The following ANO3 variants were observed in gnomAD, a reference collection of about 807,000 sequenced individuals.
ANO3 encodes the protein anoctamin-3.
In ANO3, 99 loss-of-function variants were observed where a neutral mutation model predicts 144.8. The observed-to-expected ratio is 0.68, with a 90% CI of 0.58 to 0.81. The LOEUF (loss-of-function observed/expected upper bound fraction) is 0.81. ANO3 is among the 30% of genes least tolerant of loss of function. The probability of loss-of-function intolerance (pLI) is 0.00; values close to 1 mark genes in which losing one functional copy is unlikely to be tolerated. For missense variants in ANO3, 905 were observed against 1,202.2 expected, an observed-to-expected ratio of 0.75 and a Z score of 3.66; for synonymous variants, 414 against 392.6, an observed-to-expected ratio of 1.05 and a Z score of -0.64.
At chr11:26,607,380 G>A (rs944407647) in intron 17 of ANO3, among the ~76,000 whole-genome samples, 3 of 152,072 alleles carry the variant, frequency 2.0e-5, no homozygotes, top group Admixed American at 6.5e-5. Context: ...CTAAGTTGGG[G>A]AAGTTCTGCT....
intron 18 of ANO3, among the ~76,000 whole-genome samples, chr11:26,626,937 A>G (rs1852605910): frequency 6.6e-6 from 1 of 152,116 alleles, no homozygotes; most frequent in Non-Finnish European, 1.5e-5. Context: ...TCCTTTTTCT[A>G]TGTCATCCAG....
intron 1 of ANO3, among the ~76,000 whole-genome samples, chr11:26,247,079 AAC>A (rs1157914847): frequency 6.6e-6 from 1 of 152,222 alleles, no homozygotes; most frequent in East Asian, 1.9e-4. Flanking sequence ...GTTTATTTAA[AAC>A]AGTTTTAATG....
chr11:26,646,057 A>G (rs2298), intron 23 of ANO3, among the ~76,000 whole-genome samples: 88,570 of 151,914 alleles, frequency 0.58, 26,814 homozygotes, highest in East Asian at 0.69. Context: ...TTTCACCTTT[A>G]TATTTCTCTT....
intron 20 of ANO3, among the ~76,000 whole-genome samples, chr11:26,638,514 G>C (rs1164767225): frequency 6.6e-6 from 1 of 152,228 alleles, no homozygotes; most frequent in Non-Finnish European, 1.5e-5. Context: ...AGACTGGGGA[G>C]ATAGGAAGAA....
At chr11:26,538,614 C>T (rs1849569775) in intron 10 of ANO3, among the ~76,000 whole-genome samples, 1 of 152,128 alleles carries the variant, frequency 6.6e-6, no homozygotes, top group African/African-American at 2.4e-5. Flanking sequence ...TTAATTTGTT[C>T]TCTGTCTAGG....
intron 4 of ANO3, among the ~76,000 whole-genome samples, chr11:26,478,230 C>A (rs759550078): frequency 2.0e-5 from 3 of 152,112 alleles, no homozygotes; most frequent in South Asian, 4.1e-4. Context: ...CTCAGGATCT[C>A]TTTTCTGAAA....
chr11:26,569,698 T>C (rs1429956935), intron 14 of ANO3, among the ~76,000 whole-genome samples: 1 of 152,088 alleles, frequency 6.6e-6, no homozygotes, highest in African/African-American at 2.4e-5. Context: ...TTTACTTTCG[T>C]GTGTGCTTTC....
rs200157589 is a variant in ANO3 at position 26,508,243 on chromosome 11, G to A, written c.572G>A (p.Gly191Asp). 84 of 1,592,766 alleles carry A rather than the reference G, an allele frequency of 5.3e-5. No individual in the cohort carries two copies. Among genetic ancestry groups the A allele is most frequent in the Non-Finnish European group, 7.0e-5 (82 of 1,173,628 alleles). ...NTFEKNLRAE[G>D]LMLEKEPAIA... Reference sequence around the variant, plus strand: ...TTTGAAAAGAACCTCAGAGCAGAAGGCTTGATGTTGGAGAAGGAGGTAGGT... The same window carrying A: ...TTTGAAAAGAACCTCAGAGCAGAAGACTTGATGTTGGAGAAGGAGGTAGGT... The change falls in exon 5 of 27, where the codon GGC becomes GAC. Residue 191 changes from glycine to aspartate, a missense_variant. This residue lies in a region of ANO3 where 63 missense variants were observed against 107.3 expected (regional missense o/e 0.59). Coordinates refer to ENST00000256737, the MANE Select transcript of ANO3 (RefSeq NM_031418.4).
intron 1 of ANO3, among the ~76,000 whole-genome samples, chr11:26,334,633 C>T (rs1281292893): frequency 6.6e-6 from 1 of 152,174 alleles, no homozygotes; most frequent in Non-Finnish European, 1.5e-5. Flanking sequence ...ATCCCTTTGG[C>T]CTTTTCTGTC....
intron 1 of ANO3, among the ~76,000 whole-genome samples, chr11:26,338,832 C>T (rs946344567): frequency 1.3e-5 from 2 of 151,784 alleles, no homozygotes; most frequent in South Asian, 2.1e-4. Flanking sequence ...CACATCTGAA[C>T]ATCTGAAGGA....
chr11:26,345,275 C>T (rs1855470205), intron 1 of ANO3, among the ~76,000 whole-genome samples: 1 of 152,238 alleles, frequency 6.6e-6, no homozygotes, highest in East Asian at 1.9e-4. Flanking sequence ...AAAATCCTTG[C>T]TGGACACGGT....
intron 1 of ANO3, chr11:26,287,683 A>G (rs1303171227): frequency 6.6e-6 from 1 of 152,222 alleles, no homozygotes; most frequent in African/African-American, 2.4e-5. Flanking sequence ...TGAAACCAGG[A>G]TTTAAACCCA....
At chr11:26,603,846 G>A (rs1488275003) in intron 17 of ANO3, among the ~76,000 whole-genome samples, 1 of 152,188 alleles carries the variant, frequency 6.6e-6, no homozygotes, top group Non-Finnish European at 1.5e-5. Context: ...TAATGGTACA[G>A]GTTTAGGAGT....
chr11:26,547,422 C>A lies in ANO3; in HGVS notation c.1161C>A (p.Tyr387Ter). Residue 387 changes from tyrosine (Y) to a stop codon, truncating the protein, a stop_gained, in exon 12 of 27, where the codon TAC (tyrosine) becomes TAA (stop). Coordinates refer to ENST00000256737, the MANE Select transcript of ANO3 (RefSeq NM_031418.4). LOFTEE classifies it high-confidence loss of function. Reference sequence around the variant, plus strand: ...GATTTGCTTTCTCATGCAGGCTATACTTTGGTGAGAAGATTGGACTATACT... The same window carrying A: ...GATTTGCTTTCTCATGCAGGCTATAATTTGGTGAGAAGATTGGACTATACT... The part of the protein sequence containing the change: ...KHQPLDLIRL[Y>*]FGEKIGLYFA... The A allele has an allele frequency of 6.2e-7, 1 of 1,611,404 alleles. No homozygotes were observed. Among genetic ancestry groups the A allele is most frequent in the Non-Finnish European group, 8.5e-7 (1 of 1,178,120 alleles).
At chr11:26,546,818 G>T (rs556814289) in intron 11 of ANO3, among the ~76,000 whole-genome samples, 1 of 151,908 alleles carries the variant, frequency 6.6e-6, no homozygotes, top group South Asian at 2.1e-4. Context: ...GCTTACAATC[G>T]TATAGGGAGG....
chr11:26,657,002 T>C (rs111854579), intron 26 of ANO3, among the ~76,000 whole-genome samples: 3,682 of 152,248 alleles, frequency 0.024, 55 homozygotes, highest in South Asian at 0.04. Flanking sequence ...TGTAATCCTG[T>C]GAAGAAATTT....
At chr11:26,369,200 G>C (rs1856180061) in intron 1 of ANO3, among the ~76,000 whole-genome samples, 1 of 152,068 alleles carries the variant, frequency 6.6e-6, no homozygotes, top group African/African-American at 2.4e-5. Context: ...TGAGTAGTGA[G>C]ACTAAAAGTG....
intron 14 of ANO3, among the ~76,000 whole-genome samples, chr11:26,576,577 C>T (rs1850992759): frequency 6.6e-6 from 1 of 152,058 alleles, no homozygotes; most frequent in South Asian, 2.1e-4. Flanking sequence ...TGAATTTTTC[C>T]CTGCCAGAGA....
At chr11:26,294,327 G>C (rs969562766) in intron 1 of ANO3, among the ~76,000 whole-genome samples, 2 of 152,158 alleles carry the variant, frequency 1.3e-5, no homozygotes, top group Non-Finnish European at 2.9e-5. Context: ...ACCAGCCACT[G>C]TGCTACTGCT....
Sources: allele counts gnomAD v4.1 joint callset (sites outside exome capture counted in the v4.1 genomes callset), GRCh38; gene constraint gnomAD v4.1.1; regional missense constraint gnomAD v4.1.1; transcripts MANE v1.5; gene names NCBI Gene and HGNC (gene_info 2026-07-23, HGNC 2026-07-21).